The following RBFOX1 variants were observed in gnomAD, a reference collection of about 807,000 sequenced individuals.
RBFOX1 encodes the protein RNA binding fox-1 homolog 1.
In RBFOX1, 8 loss-of-function variants were observed where a neutral mutation model predicts 57.7. That is an observed-to-expected ratio of 0.14 (90% CI 0.08 to 0.25). The LOEUF is 0.25. Among genes scored for constraint, RBFOX1 ranks in the 10% least tolerant of loss-of-function variants. The pLI, the probability that RBFOX1 is intolerant of heterozygous loss-of-function variation, is 1.00. For synonymous variants in RBFOX1, 326 were observed against 222.4 expected (o/e 1.47, Z -4.15); for missense variants, 611 against 548.5 (o/e 1.11, Z -1.14).
chr16:5,777,556 A>C (rs147681153), intron 3 of RBFOX1, among the ~76,000 whole-genome samples: 1 of 152,284 alleles, frequency 6.6e-6, no homozygotes, highest in Non-Finnish European at 1.5e-5. Flanking sequence ...AAATCTCAGC[A>C]TTGTCACTTA....
Position 6,789,941 on chromosome 16 carries a change from C to T in RBFOX1, c.-16+135291C>T, listed in dbSNP as rs544143906. 2.0e-5 allele frequency among the ~76,000 whole-genome samples: 3 copies of T among 151,742 alleles called. No individual in the cohort carries two copies. The South Asian group carries it at 6.2e-4, about 32-fold the overall frequency. On this transcript the variant is annotated intron_variant, in intron 3 of 15. Coordinates refer to ENST00000550418, the MANE Select transcript of RBFOX1 (RefSeq NM_018723.4). ...ATTAGATCTATAATTATTCTCTTCC[C>T]TAACTTATTGATTTCTGGTCTTCCG...
At chr16:7,653,003 G>C (rs2065413393) in intron 11 of RBFOX1, among the ~76,000 whole-genome samples, 1 of 152,220 alleles carries the variant, frequency 6.6e-6, no homozygotes, top group Non-Finnish European at 1.5e-5. Context: ...GAGATTGCTA[G>C]CATGTGGAAA....
chr16:6,076,011 G>C (rs1395316521), intron 1 of RBFOX1, among the ~76,000 whole-genome samples: 6 of 152,116 alleles, frequency 3.9e-5, no homozygotes. Flanking sequence ...TTAAAACACA[G>C]CTCTTGGCCG....
At position 6,347,720 on chromosome 16, in the gene RBFOX1, A is replaced by G. The variant is rs561242164; in HGVS notation, c.-64+30663A>G. Among the ~76,000 whole-genome samples, 3 of 152,346 alleles carry G rather than the reference A, an allele frequency of 2.0e-5. No individual in the cohort carries two copies. In the East Asian group the frequency reaches 5.8e-4, roughly 29 times the overall value. The stretch of plus-strand genomic sequence containing the variant: ...TCACAGAGAACTTGACACAAATAAT[A>G]TCATAAGACACATTCACAGTACACA... On this transcript the variant is annotated intron_variant, in intron 2 of 15. Coordinates refer to ENST00000550418, the MANE Select transcript of RBFOX1 (RefSeq NM_018723.4).
chr16:7,650,311 CTCT>C (rs1210922489), intron 11 of RBFOX1, among the ~76,000 whole-genome samples: 3 of 130,262 alleles, frequency 2.3e-5, no homozygotes, highest in Non-Finnish European at 4.9e-5. Context: ...CTGTGGAACT[CTCT>C]TTTTTTTTTT....
intron 13 of RBFOX1, among the ~76,000 whole-genome samples, chr16:7,673,281 C>T (rs557617772): frequency 2.6e-4 from 40 of 152,320 alleles, no homozygotes; most frequent in African/African-American, 8.9e-4. Context: ...CCTCAGTGTT[C>T]ATGAATATTG....
intron 12 of RBFOX1, among the ~76,000 whole-genome samples, chr16:7,656,492 G>GTGTTCAGGGAGAGCAAGAACCCCTATC (rs1568314858): frequency 7.0e-6 from 1 of 143,580 alleles, no homozygotes; most frequent in East Asian, 2.9e-4. Context: ...GAACCCCTAT[G>GTGTTCAGGGAGAGCAAGAACCCCTATC]TTGTGTTCAG....
intron 2 of RBFOX1, among the ~76,000 whole-genome samples, chr16:6,493,315 A>G (rs1306102977): frequency 2.6e-5 from 4 of 152,156 alleles, no homozygotes; most frequent in Non-Finnish European, 4.4e-5. Flanking sequence ...GGAATTTCCT[A>G]AAAATATTAA....
intron 3 of RBFOX1, among the ~76,000 whole-genome samples, chr16:6,787,451 A>T (rs542011660): frequency 6.6e-6 from 1 of 152,188 alleles, no homozygotes; most frequent in African/African-American, 2.4e-5. Flanking sequence ...TCTCCTGGTT[A>T]TACAGTTAGA....
intron 3 of RBFOX1, among the ~76,000 whole-genome samples, chr16:6,731,640 C>G (rs1342321357): frequency 6.6e-6 from 1 of 152,066 alleles, no homozygotes; most frequent in African/African-American, 2.4e-5. Flanking sequence ...GTAAACACCC[C>G]AGCTCCCTCA....
At chr16:7,461,370 G>C (rs2059553681) in intron 4 of RBFOX1, among the ~76,000 whole-genome samples, 1 of 152,130 alleles carries the variant, frequency 6.6e-6, no homozygotes, top group Admixed American at 6.5e-5. Context: ...GTTTCACCAT[G>C]TTGGCCAGGA....
intron 1 of RBFOX1, among the ~76,000 whole-genome samples, chr16:6,178,333 C>A (rs112807955): frequency 5.9e-5 from 9 of 151,644 alleles, no homozygotes; most frequent in Non-Finnish European, 8.8e-5. Flanking sequence ...ATTACAGGCA[C>A]GCGCCACCAT....
intron 3 of RBFOX1, among the ~76,000 whole-genome samples, chr16:6,894,338 T>G (rs1387075341): frequency 2.0e-5 from 3 of 152,148 alleles, no homozygotes; most frequent in African/African-American, 4.8e-5. Context: ...CTCTGTGTTC[T>G]GTGTGACTTT....
At position 7,424,702 on chromosome 16, in the gene RBFOX1, G is replaced by A. The variant is rs375109563; in HGVS notation, c.28-93445G>A. On this transcript the variant is annotated intron_variant, in intron 4 of 15. Transcript: ENST00000550418. ...TAAGAAGGAAATGAAAGAACCTATG[G>A]AAGGGGATACAATTTCAGCTTTGAC... is the stretch of plus-strand genomic sequence containing the variant. 5.9e-5 allele frequency among the ~76,000 whole-genome samples: 9 copies of A among 152,284 alleles called. 1 individual carries two copies. In the South Asian group the frequency reaches 1.0e-3, roughly 18 times the overall value.
intron 1 of RBFOX1, among the ~76,000 whole-genome samples, chr16:6,246,701 T>C (rs111515433): frequency 3.3e-5 from 5 of 152,320 alleles, no homozygotes; most frequent in African/African-American, 1.2e-4. Context: ...TTTGTGTTAG[T>C]ATAACTGCGG....
intron 1 of RBFOX1, among the ~76,000 whole-genome samples, chr16:5,443,853 G>T (rs1034998195): frequency 6.6e-6 from 1 of 152,034 alleles, no homozygotes; most frequent in Admixed American, 6.6e-5. Context: ...TGAAAGTCTG[G>T]GCTTTTTTTC....
intron 3 of RBFOX1, among the ~76,000 whole-genome samples, chr16:6,959,849 A>G (rs947270102): frequency 2.0e-5 from 3 of 152,148 alleles, no homozygotes; most frequent in African/African-American, 4.8e-5. Flanking sequence ...AGGCAGGAGA[A>G]TCGCTTGAAC....
At chr16:6,118,261 T>G (rs1430728553) in intron 1 of RBFOX1, among the ~76,000 whole-genome samples, 1 of 152,236 alleles carries the variant, frequency 6.6e-6, no homozygotes, top group Non-Finnish European at 1.5e-5. Flanking sequence ...TATTCCACAT[T>G]GTTTTTAGTT....
chr16:7,405,278 G>C (rs533982245), intron 4 of RBFOX1, among the ~76,000 whole-genome samples: 95 of 152,344 alleles, frequency 6.2e-4, no homozygotes, highest in African/African-American at 2.1e-3. Context: ...CCAGCCCAGA[G>C]GCAGGGCCTC....
Sources: gnomAD v4.1 joint callset for allele counts (sites outside exome capture counted in the v4.1 genomes callset) on GRCh38, gnomAD v4.1.1 for gene constraint, MANE v1.5 for transcripts, NCBI Gene and HGNC (gene_info 2026-07-23, HGNC 2026-07-21) for gene names.